BCAS2: variants seen among roughly 807,000 people sequenced by gnomAD.
The protein encoded by BCAS2 is BCAS2 pre-mRNA processing factor.
Under a neutral mutation model 35.3 loss-of-function variants are expected in BCAS2, and 34 were observed. The observed-to-expected ratio is 0.96, with a 90% CI of 0.73 to 1.28. BCAS2 has a LOEUF of 1.28. Among genes scored for constraint, BCAS2 ranks in the 50% most tolerant of loss-of-function variants. BCAS2 has a pLI of 0.00. For synonymous variants in BCAS2, 75 were observed against 91.6 expected, an observed-to-expected ratio of 0.82 and a Z score of 1.03; for missense variants, 221 against 268.1, an observed-to-expected ratio of 0.82 and a Z score of 1.23.
At position 114,581,606 on chromosome 1, in the gene BCAS2, G is replaced by C; in HGVS notation, c.-15C>G. On this transcript the variant is annotated 5_prime_UTR_variant, in exon 1 of 7. Transcript: ENST00000369541. ...GTGCCCGCCATTCTGAGGACCTCAG[G>C]TTTGCCTGCGTTTTCTGCGTCTGCG... The C allele has an allele frequency of 6.2e-7, 1 of 1,612,466 alleles. No individual in the cohort carries two copies. Among genetic ancestry groups the C allele is most frequent in the Non-Finnish European group, 8.5e-7 (1 of 1,179,814 alleles).
At chr1:114,578,078 A>G (rs1033406711) in intron 2 of BCAS2, among the ~76,000 whole-genome samples, 14 of 152,084 alleles carry the variant, frequency 9.2e-5, no homozygotes, top group Non-Finnish European at 1.9e-4. Context: ...GTAATCCCAG[A>G]TACTCGGAGG....
intron 2 of BCAS2, among the ~76,000 whole-genome samples, chr1:114,579,536 G>A (rs1376687223): frequency 1.3e-5 from 2 of 152,152 alleles, no homozygotes; most frequent in African/African-American, 2.4e-5. Context: ...AAAAAGCATA[G>A]GAAAACACGT....
rs573371522 is a variant in BCAS2 at position 114,574,705 on chromosome 1, C to T, written c.419+885G>A. ...GAACTAGTTTTGTTACAATATTATA[C>T]AATAAATGTCGTAGTTTGGTTTAGG... On this transcript the variant is annotated intron_variant, in intron 4 of 6. Transcript: ENST00000369541. Among the ~76,000 whole-genome samples the T allele has an allele frequency of 7.9e-5, 12 of 152,264 alleles. No homozygotes were observed. The East Asian group carries it at 1.9e-3, about 24-fold the overall frequency.
chr1:114,568,266 G>T lies in BCAS2; in HGVS notation c.552-10C>A, dbSNP rs772696678. 2 of 1,606,370 alleles carry T rather than the reference G, an allele frequency of 1.2e-6. No homozygotes were observed. Among genetic ancestry groups the T allele is most frequent in the African/African-American group, 2.7e-5 (2 of 74,300 alleles). On this transcript the variant is annotated splice_polypyrimidine_tract_variant and intron_variant, in intron 6 of 6. Coordinates refer to ENST00000369541, the MANE Select transcript of BCAS2 (RefSeq NM_005872.3). ...GACCAGGGATACCCAACTAGAATGG[G>T]GGGGAAGAAAAGAAAAAAATTACTC...
Position 114,581,324 on chromosome 1 carries a change from G to C in BCAS2, c.161C>G (p.Thr54Arg). 1 of 1,614,210 alleles carries C rather than the reference G, an allele frequency of 6.2e-7. No individual in the cohort carries two copies. Among genetic ancestry groups the C allele is most frequent in the Non-Finnish European group, 8.5e-7 (1 of 1,180,022 alleles). The change falls in exon 2 of 7, where the codon ACA (threonine) becomes AGA (arginine). Residue 54 changes from threonine (T) to arginine (R), a missense_variant. Coordinates refer to ENST00000369541, the MANE Select transcript of BCAS2 (RefSeq NM_005872.3). Reference sequence around the variant, plus strand: ...TTCAAAGGCAGAATAATCCGGGGCTGTCAGGTAGCTCAGGTAGTTCTTAGT... The same window carrying C: ...TTCAAAGGCAGAATAATCCGGGGCTCTCAGGTAGCTCAGGTAGTTCTTAGT... ...RPTKNYLSYL[T>R]APDYSAFETD...
chr1:114,580,636 T>A (rs190911861), intron 2 of BCAS2, among the ~76,000 whole-genome samples: 1 of 152,298 alleles, frequency 6.6e-6, no homozygotes, highest in East Asian at 1.9e-4. Context: ...TTGGAGAGGA[T>A]GTTTGTCTTA....
chr1:114,577,559 G>A (rs139737496), intron 2 of BCAS2, among the ~76,000 whole-genome samples: 1 of 152,168 alleles, frequency 6.6e-6, no homozygotes, highest in South Asian at 2.1e-4. Context: ...TAGAGACAGG[G>A]TTTCACCATG....
intron 4 of BCAS2, among the ~76,000 whole-genome samples, 176 bp downstream of exon 4, chr1:114,575,414 C>T (rs1316227459): frequency 7.9e-5 from 12 of 151,002 alleles, no homozygotes; most frequent in East Asian, 3.9e-4. Flanking sequence ...AGGCTGGTCT[C>T]GAACTCCTGA....
intron 2 of BCAS2, 138 bp downstream of exon 2, chr1:114,581,161 T>C (rs1654880369): frequency 3.5e-6 from 3 of 857,858 alleles, no homozygotes; most frequent in Non-Finnish European, 3.9e-6. Context: ...TATCTAGTTG[T>C]TTTCAATAGA....
chr1:114,575,633 G>C lies in BCAS2; in HGVS notation c.376C>G (p.Leu126Val). The C allele has an allele frequency of 6.2e-7, 1 of 1,612,058 alleles. No homozygotes were observed. Among genetic ancestry groups the C allele is most frequent in the Non-Finnish European group, 8.5e-7 (1 of 1,179,756 alleles). Reference protein sequence around the residue: ...HQAVRIENLELMSQHGCNAWK... With the variant: ...HQAVRIENLEVMSQHGCNAWK... ...GCATTACATCCATGCTGTGACATTA[G>C]TTCCAGATTCTCAATTCTAACTGCT... Residue 126 changes from leucine to valine, a missense_variant, in exon 4 of 7, where the codon CTA becomes GTA. Physicochemically the swap from Leu to Val is conservative, Grantham distance 32. Transcript: ENST00000369541.
At chr1:114,570,591 A>G (rs1570735460) in intron 5 of BCAS2, 109 bp downstream of exon 5, 1 of 778,196 alleles carries the variant, frequency 1.3e-6, no homozygotes, top group East Asian at 2.7e-5. Flanking sequence ...GAGTGGATCA[A>G]TTGTTTACTT....
At chr1:114,578,040 A>G (rs2101630539) in intron 2 of BCAS2, among the ~76,000 whole-genome samples, 1 of 152,236 alleles carries the variant, frequency 6.6e-6, no homozygotes, top group South Asian at 2.1e-4. Flanking sequence ...AAAATACAAA[A>G]ATTAGCTGGG....
In BCAS2 at chr1:114,581,581, G is replaced by A. The variant is rs756759349; in HGVS notation, c.11C>T (p.Thr4Ile). 3 of 1,601,544 alleles carry A rather than the reference G, an allele frequency of 1.9e-6. No individual in the cohort carries two copies. The highest frequency in any genetic ancestry group is 2.7e-5 in the African/African-American group (2 of 74,584). Reference protein sequence around the residue: MAGTGLVAGEVVVD... With the variant: MAGIGLVAGEVVVD... ...CACAACCTCTCCAGCCACCAAACCT[G>A]TGCCCGCCATTCTGAGGACCTCAGG... Residue 4 changes from threonine (T) to isoleucine (I), a missense_variant, in exon 1 of 7, where the codon ACA (threonine) becomes ATA (isoleucine). Coordinates refer to ENST00000369541, the MANE Select transcript of BCAS2 (RefSeq NM_005872.3).
intron 2 of BCAS2, among the ~76,000 whole-genome samples, chr1:114,577,375 TTA>T (rs1187539582): frequency 4.7e-5 from 7 of 150,056 alleles, no homozygotes; most frequent in Non-Finnish European, 9.0e-5. Context: ...ATTTATTTAT[TTA>T]TTTTTTTTTT....
At chr1:114,581,475 GC>G (rs1257783037) in intron 1 of BCAS2, 23 bp downstream of exon 1, 1 of 1,614,036 alleles carries the variant, frequency 6.2e-7, no homozygotes, top group East Asian at 2.2e-5. Context: ...CAGTGAGTCA[GC>G]TACAAAGACA....
At position 114,571,452 on chromosome 1, in the gene BCAS2, C is replaced by A. The variant is rs192771639; in HGVS notation, c.420-702G>T. 1.1e-3 allele frequency among the ~76,000 whole-genome samples: 172 copies of A among 152,172 alleles called. 2 individuals are homozygous for A. Among genetic ancestry groups the A allele is most frequent in the Admixed American group, 3.5e-3 (53 of 15,280 alleles). On this transcript the variant is annotated intron_variant, in intron 4 of 6. Coordinates refer to ENST00000369541, the MANE Select transcript of BCAS2 (RefSeq NM_005872.3). ...ATCATGGCAGCCTCAACCTCCTGGGCTCAACTGATCCTCCCACTTCAGGCC... is the reference window on the plus strand; with the variant it reads ...ATCATGGCAGCCTCAACCTCCTGGGATCAACTGATCCTCCCACTTCAGGCC...
chr1:114,581,015 G>A (rs1406011064), intron 2 of BCAS2, among the ~76,000 whole-genome samples: 1 of 152,188 alleles, frequency 6.6e-6, no homozygotes, highest in Non-Finnish European at 1.5e-5. Context: ...CTTGGCAGGA[G>A]AGGGTCCCTT....
intron 4 of BCAS2, 118 bp from the exon 5 acceptor site, chr1:114,570,868 G>T: frequency 2.8e-6 from 2 of 725,288 alleles, no homozygotes; most frequent in Admixed American, 5.3e-5. Flanking sequence ...CAAGAACTAT[G>T]TTGGACACTC....
intron 4 of BCAS2, 87 bp from the exon 5 acceptor site, chr1:114,570,837 C>A: frequency 2.2e-6 from 2 of 911,926 alleles, no homozygotes; most frequent in South Asian, 3.0e-5. Context: ...TGCCAAAAAT[C>A]ATATTTATGG....
Sources: gnomAD v4.1 joint callset for allele counts (sites outside exome capture counted in the v4.1 genomes callset) on GRCh38, gnomAD v4.1.1 for gene constraint, MANE v1.5 for transcripts, NCBI Gene and HGNC (gene_info 2026-07-23, HGNC 2026-07-21) for gene names.